Variants in PIM3 observed in about 807,000 individuals in gnomAD.
The protein encoded by PIM3 is serine/threonine-protein kinase pim-3.
Under a neutral mutation model 27.5 loss-of-function variants are expected in PIM3, and 13 were observed. The ratio of observed to expected loss-of-function variants is 0.47; its 90% CI spans 0.31 to 0.75. The LOEUF is 0.75. Ranked by LOEUF, PIM3 falls within the 30% of genes least tolerant of loss-of-function variation. The pLI, the probability that PIM3 is intolerant of heterozygous loss-of-function variation, is 0.05. For synonymous variants in PIM3, 341 were observed against 221.1 expected (o/e 1.54, Z -4.81); for missense variants, 482 against 476.9 (o/e 1.01, Z -0.10).
intron 4 of PIM3, among the ~76,000 whole-genome samples, chr22:49,962,325 CCCCTCCCTCCT>C (rs1172398854): frequency 2.0e-5 from 3 of 148,564 alleles, no homozygotes; most frequent in Admixed American, 6.6e-5. Flanking sequence ...TCCCCGCCCG[CCCCTCCCTCCT>C]CCCTCCCTCT....
chr22:49,960,814 G>A lies in PIM3; in HGVS notation c.-134G>A, dbSNP rs2060901761. The stretch of plus-strand genomic sequence containing the variant: ...TGCTGCGCGTCTACGCGGTCCCCGC[G>A]GGCCTTCCGGGCCCACTGCGCCGCG... On this transcript the variant is annotated 5_prime_UTR_variant, in exon 1 of 6. Coordinates refer to ENST00000360612, the MANE Select transcript of PIM3 (RefSeq NM_001001852.4). 2.3e-6 allele frequency: 1 copy of A among 428,604 alleles called. No homozygotes were observed. The highest frequency in any genetic ancestry group is 3.2e-6 in the Non-Finnish European group (1 of 309,394). The allele number at this position is 428,604 out of a possible 1,614,324, so 26.6% of individuals were successfully genotyped here. A position where few individuals can be genotyped will look rare whatever the true frequency, so the allele number is the denominator to read the frequency against.
chr22:49,961,437 C>T lies in PIM3; in HGVS notation c.247-5C>T. On this transcript the variant is annotated splice_region_variant and splice_polypyrimidine_tract_variant and intron_variant, in intron 3 of 5. Coordinates refer to ENST00000360612, the MANE Select transcript of PIM3 (RefSeq NM_001001852.4). ...GGGGCTTTTGCTGACCGCCGTGTCC[C>T]CCAGGGCGGCGCGACCGTGCCCCTG... The T allele has an allele frequency of 1.4e-6, 2 of 1,429,114 alleles. No individual in the cohort carries two copies. The highest frequency in any genetic ancestry group is 2.5e-4 in the Middle Eastern group (1 of 4,034). 88.5% of individuals were successfully genotyped at this position (1,429,114 alleles called of 1,614,324 possible).
At position 49,961,188 on chromosome 22, in the gene PIM3, G is replaced by T; in HGVS notation, c.149G>T (p.Gly50Val). Residue 50 changes from glycine to valine, a missense_variant, in exon 2 of 6, where the codon GGC becomes GTC. By Grantham distance (109) the Gly-to-Val change is moderately radical. Transcript: ENST00000360612. ...YQVGAVLGSG[G>V]FGTVYAGSRI... is the part of the protein sequence containing the mutation. ...GTGGGCGCCGTGCTGGGTAGCGGCG[G>T]CTTCGGCACGGTCTACGCGGGTAGC... 6.5e-7 allele frequency: 1 copy of T among 1,535,988 alleles called. No individual in the cohort carries two copies. Among genetic ancestry groups the T allele is most frequent in the Non-Finnish European group, 8.7e-7 (1 of 1,145,280 alleles).
Position 49,961,674 on chromosome 22 carries a change from A to G in PIM3, c.479A>G (p.His160Arg). ...FFAQVLAAVR[H>R]CHSCGVVHRD... is the part of the protein sequence containing the mutation. ...GCGCAGGTGCTGGCCGCCGTGCGCC[A>G]CTGCCACAGCTGCGGGGTCGTGCAC... The change falls in exon 4 of 6, where the codon CAC becomes CGC. Residue 160 changes from histidine (H) to arginine (R), a missense_variant. Coordinates refer to ENST00000360612, the MANE Select transcript of PIM3 (RefSeq NM_001001852.4). 2 of 1,592,960 alleles carry G rather than the reference A, an allele frequency of 1.3e-6. No individual in the cohort carries two copies. The highest frequency in any genetic ancestry group is 1.7e-6 in the Non-Finnish European group (2 of 1,170,752).
At chr22:49,962,888 G>A (rs765096620) in intron 5 of PIM3, 23 bp downstream of exon 5, 2 of 1,601,974 alleles carry the variant, frequency 1.2e-6, no homozygotes, top group African/African-American at 1.3e-5. Context: ...TCGAGGCGGG[G>A]GTGGGGGCCT....
intron 2 of PIM3, 29 bp downstream of exon 2, chr22:49,961,263 T>G (rs757203961): frequency 6.5e-7 from 1 of 1,537,162 alleles, no homozygotes; most frequent in Non-Finnish European, 8.7e-7. Context: ...CGGGCCCGGG[T>G]TTCTCGCGCG....
rs561154155 is a variant in PIM3, at chr22:49,963,295, A to G, written c.*168A>G. 1 of 751,690 alleles carries G rather than the reference A, an allele frequency of 1.3e-6. No homozygotes were observed. The highest frequency in any genetic ancestry group is 2.9e-5 in the East Asian group (1 of 34,002). The allele number at this position is 751,690 out of a possible 1,614,324, so 46.6% of individuals were successfully genotyped here. A position where few individuals can be genotyped will look rare whatever the true frequency, so the allele number is the denominator to read the frequency against. The stretch of plus-strand genomic sequence containing the variant: ...GCCTTTTGAACGCTGGTCCCGCGGG[A>G]CTTGGTTTTCTCAAGCTCTGTCTGT... On this transcript the variant is annotated 3_prime_UTR_variant, in exon 6 of 6. Coordinates refer to ENST00000360612, the MANE Select transcript of PIM3 (RefSeq NM_001001852.4).
At position 49,961,187 on chromosome 22, in the gene PIM3, G is replaced by T; in HGVS notation, c.148G>T (p.Gly50Cys). The change falls in exon 2 of 6, where the codon GGC becomes TGC. Residue 50 changes from glycine (G) to cysteine (C), a missense_variant. Coordinates refer to ENST00000360612, the MANE Select transcript of PIM3 (RefSeq NM_001001852.4). ...GGTGGGCGCCGTGCTGGGTAGCGGC[G>T]GCTTCGGCACGGTCTACGCGGGTAG... ...YQVGAVLGSG[G>C]FGTVYAGSRI... 1.3e-6 allele frequency: 2 copies of T among 1,536,332 alleles called. No homozygotes were observed. Among genetic ancestry groups the T allele is most frequent in the Non-Finnish European group, 1.7e-6 (2 of 1,145,538 alleles).
chr22:49,962,934 G>C lies in PIM3; in HGVS notation c.794-6G>C, dbSNP rs537004314. ...GGGCCCTCCCTGACCTCTCCGCTCC[G>C]CACAGAGTGCCAGCAGCTGATCCGG... On this transcript the variant is annotated splice_region_variant and splice_polypyrimidine_tract_variant and intron_variant, in intron 5 of 5. Coordinates refer to ENST00000360612, the MANE Select transcript of PIM3 (RefSeq NM_001001852.4). 1 of 1,602,042 alleles carries C rather than the reference G, an allele frequency of 6.2e-7. No homozygotes were observed. Among genetic ancestry groups the C allele is most frequent in the Non-Finnish European group, 8.5e-7 (1 of 1,177,126 alleles).
At position 49,963,696 on chromosome 22, in the gene PIM3, T is replaced by G; in HGVS notation, c.*569T>G. The G allele has an allele frequency of 6.6e-6, 1 of 152,398 alleles. No homozygotes were observed. Among genetic ancestry groups the G allele is most frequent in the South Asian group, 2.0e-4 (1 of 5,014 alleles). The allele number at this position is 152,398 out of a possible 1,614,324, so 9.4% of individuals were successfully genotyped here. A position where few individuals can be genotyped will look rare whatever the true frequency, so the allele number is the denominator to read the frequency against. ...GCCTCTCCCAAGCCCCAGGGGACAG[T>G]GGGGAGGCAGGGGAGGGGGTGGCTG... is the stretch of plus-strand genomic sequence containing the variant. On this transcript the variant is annotated 3_prime_UTR_variant, in exon 6 of 6. Coordinates refer to ENST00000360612, the MANE Select transcript of PIM3 (RefSeq NM_001001852.4).
chr22:49,961,044 G>C lies in PIM3; in HGVS notation c.85+12G>C. 2 of 1,347,584 alleles carry C rather than the reference G, an allele frequency of 1.5e-6. No homozygotes were observed. Among genetic ancestry groups the C allele is most frequent in the Non-Finnish European group, 1.9e-6 (2 of 1,039,506 alleles). The allele number at this position is 1,347,584 out of a possible 1,614,324, so 83.5% of individuals were successfully genotyped here. ...GATCCTGCAGCCAGGTACGCGCGGGGCCGGCGGGGCCGGGGCCGGGGCCAG... is the reference window on the plus strand; with the variant it reads ...GATCCTGCAGCCAGGTACGCGCGGGCCCGGCGGGGCCGGGGCCGGGGCCAG... On this transcript the variant is annotated intron_variant, in intron 1 of 5. Transcript: ENST00000360612.
rs146200805 is a variant in PIM3 at position 49,963,105 on chromosome 22, C to T, written c.959C>T (p.Thr320Met). The change falls in exon 6 of 6, where the codon ACG becomes ATG. Residue 320 changes from threonine to methionine, a missense_variant. Transcript: ENST00000360612. ...TLDPDDVASTTSSSESL is the reference protein window; with the variant it reads ...TLDPDDVASTMSSSESL ...GACCCTGATGACGTGGCCAGCACCA[C>T]GTCCAGCAGCGAGAGCTTGTGAGGA... 1.3e-5 allele frequency: 21 copies of T among 1,606,706 alleles called. No homozygotes were observed. Among genetic ancestry groups the T allele is most frequent in the African/African-American group, 4.0e-5 (3 of 74,896 alleles).
rs1380899693 is a variant in PIM3, at chr22:49,961,627, G to A, written c.432G>A (p.Glu144=). The change falls in exon 4 of 6, where the codon GAG becomes GAA. Residue 144 remains glutamate (E), a synonymous_variant. Coordinates refer to ENST00000360612, the MANE Select transcript of PIM3 (RefSeq NM_001001852.4). ...DFITERGALD[E]PLARRFFAQV... is the part of the protein sequence containing the mutation. ...TCACGGAGCGCGGCGCCCTGGACGA[G>A]CCGCTGGCGCGCCGCTTCTTCGCGC... 3 of 1,556,358 alleles carry A rather than the reference G, an allele frequency of 1.9e-6. No homozygotes were observed. Among genetic ancestry groups the A allele is most frequent in the Non-Finnish European group, 2.6e-6 (3 of 1,151,076 alleles).
chr22:49,961,087 C>T lies in PIM3; in HGVS notation c.86-38C>T. On this transcript the variant is annotated intron_variant, in intron 1 of 5. Coordinates refer to ENST00000360612, the MANE Select transcript of PIM3 (RefSeq NM_001001852.4). Reference sequence around the variant, plus strand: ...GGGGCCAGGGCGGGGACCGGGGGCGCCCCGGGCCGCACCAACCCCGCCCGC... The same window carrying T: ...GGGGCCAGGGCGGGGACCGGGGGCGTCCCGGGCCGCACCAACCCCGCCCGC... The T allele has an allele frequency of 2.9e-6, 4 of 1,399,304 alleles. No homozygotes were observed. The South Asian group carries it at 4.6e-5, about 16-fold the overall frequency. 86.7% of individuals were successfully genotyped at this position (1,399,304 alleles called of 1,614,324 possible). A position where few individuals can be genotyped will look rare whatever the true frequency, so the allele number is the denominator to read the frequency against.
At position 49,961,499 on chromosome 22, in the gene PIM3, G is replaced by T; in HGVS notation, c.304G>T (p.Gly102Cys). 1 of 1,497,000 alleles carries T rather than the reference G, an allele frequency of 6.7e-7. No homozygotes were observed. The highest frequency in any genetic ancestry group is 8.9e-7 in the Non-Finnish European group (1 of 1,127,038). 92.7% of individuals were successfully genotyped at this position (1,497,000 alleles called of 1,614,324 possible). Residue 102 changes from glycine to cysteine, a missense_variant, in exon 4 of 6, where the codon GGC (glycine) becomes TGC (cysteine). By Grantham distance (159) the Gly-to-Cys change is radical. Coordinates refer to ENST00000360612, the MANE Select transcript of PIM3 (RefSeq NM_001001852.4). ...VLLRKVGAAG[G>C]ARGVIRLLDW... ...GCTGCGCAAGGTGGGCGCGGCGGGC[G>T]GCGCGCGCGGCGTCATCCGCCTGCT... is the stretch of plus-strand genomic sequence containing the variant.
Position 49,961,001 on chromosome 22 carries a change from G to C in PIM3, c.54G>C (p.Val18=). The change falls in exon 1 of 6, where the codon GTG becomes GTC. Residue 18 remains valine (V), a synonymous_variant. Transcript: ENST00000360612. ...CGCACCTCTGCGGGCCCGGCGGCGT[G>C]GACCACCTCCCGGTGAAGATCCTGC... ...SLAHLCGPGG[V]DHLPVKILQP... is the part of the protein sequence containing the mutation. 1 of 1,394,792 alleles carries C rather than the reference G, an allele frequency of 7.2e-7. No homozygotes were observed. The highest frequency in any genetic ancestry group is 1.5e-5 in the African/African-American group (1 of 67,154). 86.4% of individuals were successfully genotyped at this position (1,394,792 alleles called of 1,614,324 possible).
At chr22:49,961,087 C>G (rs1332241470) in intron 1 of PIM3, 38 bp from the exon 2 acceptor site, 12 of 1,399,196 alleles carry the variant, frequency 8.6e-6, no homozygotes, top group African/African-American at 1.5e-5. Flanking sequence ...ACCGGGGGCG[C>G]CCCGGGCCGC....
Position 49,962,781 on chromosome 22 carries a change from G to C in PIM3, c.709G>C (p.Asp237His). Residue 237 changes from aspartate (D) to histidine (H), a missense_variant, in exon 5 of 6, where the codon GAT (aspartate) becomes CAT (histidine). Transcript: ENST00000360612. ...TVWSLGVLLY[D>H]MVCGDIPFEQ... Reference sequence around the variant, plus strand: ...GTGGTCGCTGGGCGTGCTTCTCTACGATATGGTGTGTGGGGACATCCCCTT... The same window carrying C: ...GTGGTCGCTGGGCGTGCTTCTCTACCATATGGTGTGTGGGGACATCCCCTT... 6.2e-7 allele frequency: 1 copy of C among 1,612,760 alleles called. No homozygotes were observed. Among genetic ancestry groups the C allele is most frequent in the Admixed American group, 1.7e-5 (1 of 60,024 alleles).
In PIM3 at chr22:49,961,488, G is replaced by A. The variant is rs1289190411; in HGVS notation, c.293G>A (p.Gly98Asp). Residue 98 changes from glycine (G) to aspartate (D), a missense_variant, in exon 4 of 6, where the codon GGC becomes GAC. Coordinates refer to ENST00000360612, the MANE Select transcript of PIM3 (RefSeq NM_001001852.4). ...PLEVVLLRKV[G>D]AAGGARGVIR... ...GAGGTGGTGCTGCTGCGCAAGGTGGGCGCGGCGGGCGGCGCGCGCGGCGTC... is the reference window on the plus strand; with the variant it reads ...GAGGTGGTGCTGCTGCGCAAGGTGGACGCGGCGGGCGGCGCGCGCGGCGTC... The A allele has an allele frequency of 6.7e-7, 1 of 1,492,678 alleles. No individual in the cohort carries two copies. Among genetic ancestry groups the A allele is most frequent in the Non-Finnish European group, 8.9e-7 (1 of 1,125,268 alleles). 92.5% of individuals were successfully genotyped at this position (1,492,678 alleles called of 1,614,324 possible). A position where few individuals can be genotyped will look rare whatever the true frequency, so the allele number is the denominator to read the frequency against.
Sources: gnomAD v4.1 joint callset for allele counts (sites outside exome capture counted in the v4.1 genomes callset) on GRCh38, gnomAD v4.1.1 for gene constraint, MANE v1.5 for transcripts, NCBI Gene and HGNC (gene_info 2026-07-23, HGNC 2026-07-21) for gene names.